The following TMTC2 variants were observed in gnomAD, a reference collection of about 807,000 sequenced individuals.
The protein encoded by TMTC2 is protein O-mannosyl-transferase TMTC2.
TMTC2 carries 43 observed loss-of-function variants against 82.4 expected under a neutral mutation model. The observed-to-expected ratio is 0.52, with a 90% confidence interval of 0.41 to 0.67. The LOEUF (loss-of-function observed/expected upper bound fraction) is 0.67, where lower values mean the gene tolerates loss of function less well. Among genes scored for constraint, TMTC2 ranks in the 30% least tolerant of loss-of-function variants. The pLI is 0.00. For synonymous variants in TMTC2, 408 were observed against 381.9 expected (o/e 1.07, Z -0.80); for missense variants, 919 against 1,012.4 (o/e 0.91, Z 1.25).
intron 11 of TMTC2, among the ~76,000 whole-genome samples, chr12:83,128,488 A>G (rs1885161850): frequency 6.6e-6 from 1 of 152,132 alleles, no homozygotes; most frequent in Admixed American, 6.6e-5. Context: ...GGGGGAGGAT[A>G]GGTGTTCTAT....
intron 3 of TMTC2, among the ~76,000 whole-genome samples, chr12:82,915,422 T>A (rs1367378752): frequency 6.6e-6 from 1 of 152,198 alleles, no homozygotes; most frequent in Non-Finnish European, 1.5e-5. Flanking sequence ...TGTACCCAAA[T>A]CTAACTGGTA....
chr12:83,011,209 C>G (rs1047693994), intron 8 of TMTC2, among the ~76,000 whole-genome samples: 1 of 152,174 alleles, frequency 6.6e-6, no homozygotes, highest in Non-Finnish European at 1.5e-5. Flanking sequence ...GCCTGACTTC[C>G]TTTTCCATTA....
intron 2 of TMTC2, among the ~76,000 whole-genome samples, chr12:82,865,882 GA>G (rs1234152968): frequency 1.3e-5 from 2 of 152,108 alleles, no homozygotes; most frequent in East Asian, 3.8e-4. Context: ...CAACTACATG[GA>G]AACAGAACAA....
At chr12:82,890,317 T>C (rs769426804) in intron 2 of TMTC2, among the ~76,000 whole-genome samples, 4 of 152,176 alleles carry the variant, frequency 2.6e-5, no homozygotes, top group Non-Finnish European at 5.9e-5. Context: ...CCTAATATTC[T>C]GGGAACAAAT....
chr12:83,034,006 A>G (rs973994697), intron 9 of TMTC2, among the ~76,000 whole-genome samples: 1 of 151,388 alleles, frequency 6.6e-6, no homozygotes, highest in Non-Finnish European at 1.5e-5. Context: ...GATATTTTCA[A>G]TCAGTAGGCC....
chr12:82,954,509 A>G (rs1877512912), intron 4 of TMTC2, among the ~76,000 whole-genome samples: 1 of 152,230 alleles, frequency 6.6e-6, no homozygotes. Flanking sequence ...TTGCACTTTA[A>G]TGAAATCAAA....
intron 9 of TMTC2, among the ~76,000 whole-genome samples, chr12:83,043,575 A>G (rs1881975757): frequency 3.9e-5 from 6 of 152,128 alleles, no homozygotes; most frequent in Admixed American, 3.9e-4. Context: ...AACCAAAATT[A>G]CCTCCATTCA....
intron 1 of TMTC2, among the ~76,000 whole-genome samples, chr12:82,763,527 T>C (rs1876772408): frequency 6.6e-6 from 1 of 152,288 alleles, no homozygotes; most frequent in Non-Finnish European, 1.5e-5. Context: ...CTCTGGTCTT[T>C]TAAAGAGAAG....
At chr12:82,736,898 TA>T (rs1386196963) in intron 1 of TMTC2, among the ~76,000 whole-genome samples, 1 of 152,186 alleles carries the variant, frequency 6.6e-6, no homozygotes, top group East Asian at 1.9e-4. Flanking sequence ...ACATAGTAGG[TA>T]AACTTAATCC....
At chr12:82,869,655 A>C (rs1041831505) in intron 2 of TMTC2, among the ~76,000 whole-genome samples, 1 of 151,966 alleles carries the variant, frequency 6.6e-6, no homozygotes, top group African/African-American at 2.4e-5. Flanking sequence ...CCTGAGCAAC[A>C]TGGTGAGACC....
At chr12:83,055,514 T>C (rs563142183) in intron 10 of TMTC2, among the ~76,000 whole-genome samples, 145 of 152,188 alleles carry the variant, frequency 9.5e-4, no homozygotes, top group Admixed American at 3.0e-3. Context: ...GTTATATCTA[T>C]AGCGTTATGA....
chr12:82,951,074 AT>A (rs1320799557), intron 4 of TMTC2, among the ~76,000 whole-genome samples: 1 of 152,146 alleles, frequency 6.6e-6, no homozygotes, highest in Non-Finnish European at 1.5e-5. Context: ...GCTTAACTGT[AT>A]TTTCTGACAC....
chr12:82,987,295 G>C (rs535621145), intron 8 of TMTC2, among the ~76,000 whole-genome samples: 2 of 151,428 alleles, frequency 1.3e-5, no homozygotes, highest in Non-Finnish European at 2.9e-5. Flanking sequence ...GTGGTAATGC[G>C]TCCCTGTTAT....
At chr12:82,755,085 C>T (rs1380500488) in intron 1 of TMTC2, among the ~76,000 whole-genome samples, 2 of 152,280 alleles carry the variant, frequency 1.3e-5, no homozygotes, top group South Asian at 4.1e-4. Context: ...GCCAACATTC[C>T]AACTTGAAGT....
In TMTC2 at chr12:82,857,792, A is replaced by T. The variant is rs570204394; in HGVS notation, c.654+212A>T. On this transcript the variant is annotated intron_variant, in intron 2 of 11. Transcript: ENST00000321196. The stretch of plus-strand genomic sequence containing the variant: ...TTTATTTCTCTGGTTTCTTACTTTC[A>T]TGATTTCAAGGGTGGTAGAAGAATA... Among the ~76,000 whole-genome samples the T allele has an allele frequency of 8.5e-4, 130 of 152,274 alleles. No homozygotes were observed. In the Middle Eastern group the frequency reaches 0.017, roughly 20 times the overall value.
At position 82,922,161 on chromosome 12, in the gene TMTC2, A is replaced by T. The variant is rs143567569; in HGVS notation, c.1484-8270A>T. ...CACTTCATCACACTTCACTGAAAGA[A>T]CTTGGAGAATTTTATTTCAATAAAA... On this transcript the variant is annotated intron_variant, in intron 3 of 11. Coordinates refer to ENST00000321196, the MANE Select transcript of TMTC2 (RefSeq NM_152588.3). Among the ~76,000 whole-genome samples the T allele has an allele frequency of 6.5e-3, 993 of 152,312 alleles. 13 individuals carry two copies. Among genetic ancestry groups the T allele is most frequent in the African/African-American group, 0.023 (963 of 41,566 alleles).
chr12:82,830,936 A>G (rs1464557611), intron 1 of TMTC2, among the ~76,000 whole-genome samples: 4 of 152,332 alleles, frequency 2.6e-5, no homozygotes, highest in Middle Eastern at 3.4e-3. Flanking sequence ...CACAGGGTAG[A>G]TAGTCCATAT....
At chr12:83,038,866 G>A (rs958445930) in intron 9 of TMTC2, among the ~76,000 whole-genome samples, 20 of 150,504 alleles carry the variant, frequency 1.3e-4, no homozygotes, top group Admixed American at 7.3e-4. Flanking sequence ...TTTCTATAAT[G>A]AGCACGTTAC....
intron 8 of TMTC2, chr12:82,986,295 A>G (rs1186229617): frequency 3.2e-5 from 14 of 432,576 alleles, no homozygotes; most frequent in South Asian, 5.9e-5. Context: ...AGATGTCTGT[A>G]TCTTACATCT....
Sources: allele counts gnomAD v4.1 joint callset (sites outside exome capture counted in the v4.1 genomes callset), GRCh38; gene constraint gnomAD v4.1.1; transcripts MANE v1.5; gene names NCBI Gene and HGNC (gene_info 2026-07-23, HGNC 2026-07-21).